The following SYNPR variants were observed in gnomAD, a reference collection of about 807,000 sequenced individuals.
The protein encoded by SYNPR is synaptoporin.
Under a neutral mutation model 32.9 loss-of-function variants are expected in SYNPR, and 23 were observed. The ratio of observed to expected loss-of-function variants is 0.70; its 90% CI spans 0.50 to 0.99. The LOEUF (loss-of-function observed/expected upper bound fraction) is 0.99. Ranked by LOEUF, SYNPR falls within the 50% of genes least tolerant of loss-of-function variation. The probability of loss-of-function intolerance (pLI) is 0.00; values close to 1 mark genes in which losing one functional copy is unlikely to be tolerated. For synonymous variants in SYNPR, 146 were observed against 135.9 expected, an observed-to-expected ratio of 1.07 and a Z score of -0.52; for missense variants, 318 against 349.3, an observed-to-expected ratio of 0.91 and a Z score of 0.71.
chr3:63,526,176 C>G (rs1417175247), intron 3 of SYNPR, among the ~76,000 whole-genome samples: 1 of 152,196 alleles, frequency 6.6e-6, no homozygotes, highest in Non-Finnish European at 1.5e-5. Context: ...GATCAAATTT[C>G]CACATGAGAC....
At chr3:63,379,822 T>G (rs2107065963) in intron 2 of SYNPR, among the ~76,000 whole-genome samples, 1 of 152,274 alleles carries the variant, frequency 6.6e-6, no homozygotes, top group South Asian at 2.1e-4. Context: ...TATCTCCTAA[T>G]GCTATCCCTC....
At chr3:63,430,397 AC>A in intron 2 of SYNPR, among the ~76,000 whole-genome samples, 1 of 140,732 alleles carries the variant, frequency 7.1e-6, no homozygotes, top group Non-Finnish European at 1.6e-5. Context: ...CACACACACA[AC>A]CTTATCCTCA....
At chr3:63,456,879 C>G (rs1700492319) in intron 2 of SYNPR, among the ~76,000 whole-genome samples, 1 of 152,100 alleles carries the variant, frequency 6.6e-6, no homozygotes, top group Non-Finnish European at 1.5e-5. Flanking sequence ...CCTGGGATAA[C>G]TGAAGTGTTC....
At chr3:63,347,569 G>A (rs139964102) in intron 2 of SYNPR, among the ~76,000 whole-genome samples, 1 of 152,200 alleles carries the variant, frequency 6.6e-6, no homozygotes, top group East Asian at 1.9e-4. Flanking sequence ...GGCTTTCAGG[G>A]TAACCATTAC....
intron 2 of SYNPR, among the ~76,000 whole-genome samples, chr3:63,346,251 TACTGGAATTTTTACCCAAGTC>T (rs1560199685): frequency 6.6e-6 from 1 of 152,210 alleles, no homozygotes; most frequent in Non-Finnish European, 1.5e-5. Context: ...GTGATCCTGT[TACTGGAATTTTTACCCAAGTC>T]ACAAATACAC....
intron 2 of SYNPR, among the ~76,000 whole-genome samples, chr3:63,386,214 G>T (rs978202878): frequency 6.6e-6 from 1 of 152,186 alleles, no homozygotes; most frequent in Non-Finnish European, 1.5e-5. Flanking sequence ...AAAGGAAATG[G>T]AGGCACAGAG....
At chr3:63,589,442 T>A (rs1168235987) in intron 4 of SYNPR, among the ~76,000 whole-genome samples, 1 of 152,110 alleles carries the variant, frequency 6.6e-6, no homozygotes, top group Non-Finnish European at 1.5e-5. Context: ...CCTGGTAGAT[T>A]CTCAATAGAG....
At chr3:63,245,994 T>G (rs1213996920) in intron 1 of SYNPR, among the ~76,000 whole-genome samples, 1 of 152,018 alleles carries the variant, frequency 6.6e-6, no homozygotes, top group African/African-American at 2.4e-5. Flanking sequence ...TGTTACCCAC[T>G]GGGAATAAGT....
intron 3 of SYNPR, among the ~76,000 whole-genome samples, chr3:63,547,378 T>A (rs1236379989): frequency 6.6e-6 from 1 of 152,128 alleles, no homozygotes; most frequent in Non-Finnish European, 1.5e-5. Context: ...TCTCAGTCCC[T>A]ACTTCGAATT....
intron 2 of SYNPR, among the ~76,000 whole-genome samples, chr3:63,328,683 T>C (rs966688863): frequency 2.0e-5 from 3 of 152,010 alleles, no homozygotes; most frequent in Admixed American, 1.3e-4. Flanking sequence ...AAACATCCAA[T>C]TGGAGAGTTG....
chr3:63,577,719 T>C (rs1475099356), intron 4 of SYNPR, among the ~76,000 whole-genome samples: 1 of 152,110 alleles, frequency 6.6e-6, no homozygotes, highest in Non-Finnish European at 1.5e-5. Context: ...CTATTAAAAG[T>C]AGGATGGGCC....
intron 2 of SYNPR, among the ~76,000 whole-genome samples, chr3:63,312,025 A>G (rs1427831399): frequency 6.6e-6 from 1 of 152,018 alleles, no homozygotes; most frequent in East Asian, 1.9e-4. Flanking sequence ...TCCCTTTTAG[A>G]ACCTAGAAAT....
chr3:63,480,873 T>C lies in SYNPR; in HGVS notation c.126T>C (p.Ser42=), dbSNP rs2106697061. The change falls in exon 3 of 6, where the codon TCT becomes TCC. Residue 42 remains serine, a synonymous_variant. Transcript: ENST00000478300. The part of the protein sequence containing the change: ...IFAFATCGGY[S]GGLRLSVDCV... The stretch of plus-strand genomic sequence containing the variant: ...CATTTGCAACATGCGGTGGCTATTC[T>C]GGAGGCCTGCGGCTGAGTGTGGACT... 3 of 1,613,706 alleles carry C rather than the reference T, an allele frequency of 1.9e-6. No individual in the cohort carries two copies. Among genetic ancestry groups the C allele is most frequent in the Non-Finnish European group, 1.7e-6 (2 of 1,179,652 alleles).
intron 2 of SYNPR, among the ~76,000 whole-genome samples, chr3:63,388,411 AGAGTTTCACTATGTCACCCAGGCTG>A: frequency 7.8e-6 from 1 of 128,800 alleles, no homozygotes; most frequent in East Asian, 2.2e-4. Flanking sequence ...TTTTTAAGAC[AGAGTTTCACTATGTCACCCAGGCTG>A]GAGTGCCATG....
chr3:63,548,608 G>A (rs1453703674), intron 3 of SYNPR, among the ~76,000 whole-genome samples: 1 of 152,118 alleles, frequency 6.6e-6, no homozygotes, highest in Non-Finnish European at 1.5e-5. Flanking sequence ...AGGGAAGAGA[G>A]GGATAAAAAT....
At chr3:63,527,983 A>G (rs972390183) in intron 3 of SYNPR, among the ~76,000 whole-genome samples, 1 of 152,198 alleles carries the variant, frequency 6.6e-6, no homozygotes, top group East Asian at 1.9e-4. Context: ...TAAATAATGC[A>G]TAGAGAAATG....
chr3:63,313,617 CACAT>C (rs1409582590), intron 2 of SYNPR, among the ~76,000 whole-genome samples: 1 of 139,868 alleles, frequency 7.1e-6, no homozygotes, highest in Admixed American at 7.3e-5. Context: ...TGTATACACA[CACAT>C]ATACACACAC....
At chr3:63,481,707 G>A (rs1388514613) in intron 3 of SYNPR, among the ~76,000 whole-genome samples, 5 of 152,128 alleles carry the variant, frequency 3.3e-5, no homozygotes, top group African/African-American at 1.2e-4. Flanking sequence ...ACAAAGTGCT[G>A]TGCTGTGCTG....
chr3:63,416,440 G>A (rs749225022), intron 2 of SYNPR, among the ~76,000 whole-genome samples: 2 of 151,524 alleles, frequency 1.3e-5, no homozygotes, highest in African/African-American at 2.4e-5. Context: ...GCTGAGGTGG[G>A]CGAATTGCTT....
Sources: gnomAD v4.1 joint callset for allele counts (sites outside exome capture counted in the v4.1 genomes callset) on GRCh38, gnomAD v4.1.1 for gene constraint, MANE v1.5 for transcripts, NCBI Gene and HGNC (gene_info 2026-07-23, HGNC 2026-07-21) for gene names.